The following PDE1C variants were observed in gnomAD, a reference collection of about 807,000 sequenced individuals.
The protein encoded by PDE1C is dual specificity calcium/calmodulin-dependent 3',5'-cyclic nucleotide phosphodiesterase 1C.
PDE1C carries 62 observed loss-of-function variants against 93.1 expected under a neutral mutation model. The ratio of observed to expected loss-of-function variants is 0.67; its 90% CI spans 0.54 to 0.82. PDE1C has a LOEUF of 0.82. PDE1C is among the 40% of genes least tolerant of loss of function. The pLI is 0.00. For synonymous variants in PDE1C, 325 were observed against 310.1 expected (o/e 1.05, Z -0.50); for missense variants, 742 against 884.6 (o/e 0.84, Z 2.04).
intron 3 of PDE1C, among the ~76,000 whole-genome samples, chr7:32,153,875 TTC>T (rs1801408756): frequency 2.0e-5 from 3 of 152,300 alleles, no homozygotes; most frequent in Admixed American, 2.0e-4. Context: ...CTCTGCCTTT[TTC>T]TCTCTCTTTC....
intron 2 of PDE1C, among the ~76,000 whole-genome samples, chr7:31,969,816 G>A (rs371179039): frequency 2.0e-5 from 3 of 152,132 alleles, no homozygotes; most frequent in African/African-American, 4.8e-5. Flanking sequence ...GCAGCCATAA[G>A]AAATGATGAG....
At chr7:32,030,960 C>A (rs576258477) in intron 2 of PDE1C, among the ~76,000 whole-genome samples, 1 of 152,108 alleles carries the variant, frequency 6.6e-6, no homozygotes, top group South Asian at 2.1e-4. Context: ...TCCCATAGAG[C>A]CTTTGATCTA....
At chr7:31,815,567 C>G (rs895686891) in intron 15 of PDE1C, among the ~76,000 whole-genome samples, 4 of 152,058 alleles carry the variant, frequency 2.6e-5, no homozygotes, top group Admixed American at 2.0e-4. Flanking sequence ...CCTCATAGAG[C>G]GATGGTATAT....
intron 8 of PDE1C, among the ~76,000 whole-genome samples, chr7:31,849,713 T>G (rs1057126721): frequency 6.6e-6 from 1 of 152,118 alleles, no homozygotes; most frequent in Non-Finnish European, 1.5e-5. Flanking sequence ...CTACATTCTT[T>G]CTCTTTGACT....
At chr7:32,186,353 C>T (rs534187141) in intron 2 of PDE1C, among the ~76,000 whole-genome samples, 4 of 152,190 alleles carry the variant, frequency 2.6e-5, no homozygotes, top group South Asian at 2.1e-4. Context: ...CCACCCGCCT[C>T]GGCCTCCCAA....
intron 1 of PDE1C, among the ~76,000 whole-genome samples, chr7:32,273,876 G>A (rs530826534): frequency 6.6e-6 from 1 of 152,290 alleles, no homozygotes; most frequent in African/African-American, 2.4e-5. Context: ...AGGTTAAATT[G>A]TTCCCCTACC....
chr7:31,809,061 T>C lies in PDE1C; in HGVS notation c.1861A>G (p.Asn621Asp). 6 of 1,593,504 alleles carry C rather than the reference T, an allele frequency of 3.8e-6. No individual in the cohort carries two copies. Among genetic ancestry groups the C allele is most frequent in the Non-Finnish European group, 5.2e-6 (6 of 1,162,374 alleles). ...KNKTDKKDHS[N>D]IGNDSKKTDG... ...GTTTTCTTTGAATCATTTCCGATGT[T>C]AGAGTGATCCTTCTTGTCTGTCTTA... is the stretch of plus-strand genomic sequence containing the variant. Residue 621 changes from asparagine to aspartate, a missense_variant, in exon 16 of 18, where the codon AAC becomes GAC. Physicochemically the swap from Asn to Asp is conservative, Grantham distance 23 (BLOSUM62 1). Transcript: ENST00000396191.
intron 2 of PDE1C, among the ~76,000 whole-genome samples, chr7:32,193,905 G>T (rs1395733914): frequency 2.3e-5 from 3 of 132,956 alleles, no homozygotes; most frequent in Non-Finnish European, 3.2e-5. Flanking sequence ...TTTTTTTTTT[G>T]GTTTTGTTTT....
intron 1 of PDE1C, among the ~76,000 whole-genome samples, chr7:32,382,361 T>G (rs1784551726): frequency 6.6e-6 from 1 of 152,152 alleles, no homozygotes; most frequent in South Asian, 2.1e-4. Flanking sequence ...CATCCCTGTT[T>G]CACTGTTCAG....
chr7:31,790,106 GT>G, intron 16 of PDE1C: 1 of 1,533,684 alleles, frequency 6.5e-7, no homozygotes, highest in Non-Finnish European at 8.7e-7. Context: ...GGGTCAGGGG[GT>G]GGGGGGCTTG....
rs116802612 is a variant in PDE1C, at chr7:32,256,523, C to T, written c.85+42128G>A. ...CAGCTCCCCTGAGAGCCTGTTTTTC[C>T]GCCAGAAGCAGCAAGTTCCTTCTGC... On this transcript the variant is annotated intron_variant, in intron 1 of 18. Coordinates refer to the PDE1C transcript ENST00000396193. Among the ~76,000 whole-genome samples, 891 of 152,288 alleles carry T rather than the reference C, an allele frequency of 5.9e-3. 16 individuals carry two copies. The highest frequency in any genetic ancestry group is 0.02 in the African/African-American group (850 of 41,574).
chr7:32,012,372 G>A (rs773559036), intron 2 of PDE1C, among the ~76,000 whole-genome samples: 1 of 152,152 alleles, frequency 6.6e-6, no homozygotes, highest in Non-Finnish European at 1.5e-5. Flanking sequence ...CTCACTGAGT[G>A]AGAACTCACT....
chr7:32,160,369 C>A (rs1218372347), intron 3 of PDE1C, among the ~76,000 whole-genome samples: 1 of 152,322 alleles, frequency 6.6e-6, no homozygotes, highest in Middle Eastern at 3.4e-3. Context: ...TAAGAAGCAA[C>A]ATTTTCTCAC....
intron 2 of PDE1C, among the ~76,000 whole-genome samples, chr7:31,992,828 T>C (rs1784292452): frequency 6.6e-6 from 1 of 152,224 alleles, no homozygotes; most frequent in African/African-American, 2.4e-5. Context: ...AACATAATGA[T>C]AGCTTACTAG....
At chr7:31,776,762 G>A (rs968982760) in intron 16 of PDE1C, among the ~76,000 whole-genome samples, 18 of 151,924 alleles carry the variant, frequency 1.2e-4, no homozygotes, top group Non-Finnish European at 2.4e-4. Context: ...CTAGCAACAC[G>A]GCAGATGCCT....
chr7:31,929,041 T>A (rs557199132), intron 2 of PDE1C, among the ~76,000 whole-genome samples: 1 of 151,512 alleles, frequency 6.6e-6, no homozygotes, highest in Non-Finnish European at 1.5e-5. Context: ...AGGAGACCCA[T>A]CTCATGTGCA....
chr7:32,197,190 T>C lies in PDE1C; in HGVS notation c.136+12299A>G, dbSNP rs140889554. ...AAGATACACGAGTGGGCAATAAGCA[T>C]ATTAAAATATGCTAAACATTATTAG... On this transcript the variant is annotated intron_variant, in intron 2 of 18. Transcript: ENST00000396193. Among the ~76,000 whole-genome samples the C allele has an allele frequency of 5.0e-3, 765 of 152,308 alleles. 3 individuals are homozygous for C. The highest frequency in any genetic ancestry group is 7.8e-3 in the Non-Finnish European group (530 of 67,998).
rs117128452 is a variant in PDE1C at position 32,337,456 on chromosome 7, A to G, written c.310+90366T>C. Among the ~76,000 whole-genome samples the G allele has an allele frequency of 5.4e-3, 825 of 152,342 alleles. 5 individuals are homozygous for G. The highest frequency in any genetic ancestry group is 8.8e-3 in the Non-Finnish European group (597 of 68,036). ...ATAGTTGAATGAAAAAAATTATATT[A>G]AAAAGGTATTTACTGCTATACATCT... is the stretch of plus-strand genomic sequence containing the variant. On this transcript the variant is annotated intron_variant, in intron 1 of 1. Transcript: ENST00000672256.
chr7:31,821,983 G>A (rs1223104572), intron 14 of PDE1C, among the ~76,000 whole-genome samples: 1 of 152,080 alleles, frequency 6.6e-6, no homozygotes, highest in African/African-American at 2.4e-5. Context: ...AGGGGATAAT[G>A]TGTTTTTGTC....
Sources: gnomAD v4.1 joint callset for allele counts (sites outside exome capture counted in the v4.1 genomes callset) on GRCh38, gnomAD v4.1.1 for gene constraint, MANE v1.5 for transcripts, NCBI Gene and HGNC (gene_info 2026-07-23, HGNC 2026-07-21) for gene names.